Variants in SEMA6D observed in about 807,000 individuals in gnomAD.
The protein encoded by SEMA6D is semaphorin-6D.
SEMA6D carries 35 observed loss-of-function variants against 106.6 expected under a neutral mutation model. The ratio of observed to expected loss-of-function variants is 0.33; its 90% CI spans 0.25 to 0.44. The LOEUF is 0.44. Among genes scored for constraint, SEMA6D ranks in the 20% least tolerant of loss-of-function variants. The pLI is 1.00. For missense variants in SEMA6D, 1,185 were observed against 1,345.9 expected (o/e 0.88, Z 1.87); for synonymous variants, 499 against 487.7 (o/e 1.02, Z -0.31).
intron 1 of SEMA6D, among the ~76,000 whole-genome samples, chr15:47,406,628 C>T (rs138294794): frequency 1.6e-4 from 24 of 151,718 alleles, no homozygotes; most frequent in African/African-American, 5.1e-4. Flanking sequence ...AGTAGGGAAA[C>T]GGGGAGATGT....
chr15:47,520,402 T>A (rs1180186525), intron 3 of SEMA6D, among the ~76,000 whole-genome samples: 1 of 152,178 alleles, frequency 6.6e-6, no homozygotes, highest in Non-Finnish European at 1.5e-5. Context: ...GGTCTTTTTT[T>A]TTCTTCACCA....
At chr15:47,405,366 C>G (rs1335654717) in intron 1 of SEMA6D, among the ~76,000 whole-genome samples, 1 of 152,046 alleles carries the variant, frequency 6.6e-6, no homozygotes, top group Non-Finnish European at 1.5e-5. Flanking sequence ...GTTACAAAGT[C>G]TCATCTCAGA....
intron 3 of SEMA6D, among the ~76,000 whole-genome samples, chr15:47,588,987 C>T (rs529211748): frequency 3.3e-5 from 5 of 152,270 alleles, no homozygotes; most frequent in South Asian, 4.2e-4. Flanking sequence ...TGCTAAACAT[C>T]GTACGGTGCA....
rs894180903 is a variant in SEMA6D at position 47,189,065 on chromosome 15, A to T, written c.-239+4647A>T. Among the ~76,000 whole-genome samples, 2 of 152,224 alleles carry T rather than the reference A, an allele frequency of 1.3e-5. 1 individual carries two copies. Among genetic ancestry groups the T allele is most frequent in the African/African-American group, 4.8e-5 (2 of 41,460 alleles). On this transcript the variant is annotated intron_variant, in intron 1 of 19. Transcript: ENST00000558014. ...TAATTTTCTGGGCACACTAAGACTT[A>T]AGTAGTCTGAGGATATCAGGGTGGA...
At chr15:47,436,793 A>G in intron 2 of SEMA6D, among the ~76,000 whole-genome samples, 1 of 146,762 alleles carries the variant, frequency 6.8e-6, no homozygotes, top group African/African-American at 2.5e-5. Context: ...ATATAGCTGG[A>G]AGTGGTGGTG....
intron 1 of SEMA6D, among the ~76,000 whole-genome samples, chr15:47,333,157 ACT>A (rs2037410873): frequency 6.6e-6 from 1 of 152,026 alleles, no homozygotes; most frequent in South Asian, 2.1e-4. Flanking sequence ...ATTCTTTATG[ACT>A]CTTAAATTTC....
intron 1 of SEMA6D, among the ~76,000 whole-genome samples, chr15:47,295,280 A>G (rs946689039): frequency 1.3e-5 from 2 of 152,240 alleles, no homozygotes; most frequent in Non-Finnish European, 2.9e-5. Flanking sequence ...ATGTATTAGA[A>G]GTTATTTTTG....
At chr15:47,280,048 A>T (rs2035036794) in intron 1 of SEMA6D, among the ~76,000 whole-genome samples, 1 of 151,178 alleles carries the variant, frequency 6.6e-6, no homozygotes, top group Non-Finnish European at 1.5e-5. Flanking sequence ...TCATAAAATG[A>T]GTTAGGGAGG....
chr15:47,714,211 C>G (rs1356077566), upstream of SEMA6D, among the ~76,000 whole-genome samples: 2 of 152,092 alleles, frequency 1.3e-5, no homozygotes, highest in Non-Finnish European at 2.9e-5. Context: ...TTAACTATGA[C>G]CTCACTATTA....
chr15:47,612,786 CTG>C (rs759950751), intron 4 of SEMA6D, among the ~76,000 whole-genome samples: 2 of 150,856 alleles, frequency 1.3e-5, no homozygotes, highest in Non-Finnish European at 2.9e-5. Flanking sequence ...TTTTTGGTGT[CTG>C]GAATGTTGAG....
At chr15:47,721,770 A>G (rs2079437339) in intron 1 of SEMA6D, among the ~76,000 whole-genome samples, 1 of 152,152 alleles carries the variant, frequency 6.6e-6, no homozygotes, top group Non-Finnish European at 1.5e-5. Flanking sequence ...TTATTTCTCA[A>G]ACTTTCCTTT....
chr15:47,449,967 A>G (rs1043543351), intron 2 of SEMA6D, among the ~76,000 whole-genome samples: 2 of 152,112 alleles, frequency 1.3e-5, no homozygotes, highest in African/African-American at 4.8e-5. Context: ...ACTCTCAGAG[A>G]CACATCTCGA....
intron 2 of SEMA6D, among the ~76,000 whole-genome samples, chr15:47,441,582 C>T (rs899605638): frequency 4.6e-5 from 7 of 152,090 alleles, no homozygotes; most frequent in Non-Finnish European, 7.4e-5. Flanking sequence ...TCTTTTCAGC[C>T]ATAGATGCTG....
intron 4 of SEMA6D, among the ~76,000 whole-genome samples, chr15:47,686,362 C>T (rs2078468940): frequency 6.6e-6 from 1 of 152,224 alleles, no homozygotes; most frequent in Non-Finnish European, 1.5e-5. Flanking sequence ...TTCAGTCCTA[C>T]ACGTGAAGAC....
chr15:47,614,083 A>G (rs2076961941), intron 4 of SEMA6D, among the ~76,000 whole-genome samples: 1 of 152,222 alleles, frequency 6.6e-6, no homozygotes, highest in Non-Finnish European at 1.5e-5. Context: ...AATGTCAGCT[A>G]CCCTGTAAGT....
chr15:47,644,242 C>A (rs2077540581), intron 4 of SEMA6D, among the ~76,000 whole-genome samples: 1 of 152,120 alleles, frequency 6.6e-6, no homozygotes, highest in Non-Finnish European at 1.5e-5. Context: ...ATATTGTGGA[C>A]TTGCAATGCA....
At chr15:47,610,961 A>G (rs1169970231) in intron 4 of SEMA6D, among the ~76,000 whole-genome samples, 1 of 152,236 alleles carries the variant, frequency 6.6e-6, no homozygotes, top group Admixed American at 6.5e-5. Flanking sequence ...ACAGCTAGAT[A>G]TGCTCAGAGC....
At chr15:47,632,353 T>C (rs911695323) in intron 4 of SEMA6D, among the ~76,000 whole-genome samples, 10 of 152,026 alleles carry the variant, frequency 6.6e-5, no homozygotes, top group Non-Finnish European at 1.3e-4. Context: ...AGATCTTCTA[T>C]AGCCTTGTTG....
At chr15:47,713,073 CAA>C (rs962344645), upstream of SEMA6D, among the ~76,000 whole-genome samples, 5 of 152,142 alleles carry the variant, frequency 3.3e-5, no homozygotes, top group Non-Finnish European at 7.4e-5. Context: ...TATGGAAAAA[CAA>C]TATTTTTTTA....
Sources: allele counts gnomAD v4.1 joint callset (sites outside exome capture counted in the v4.1 genomes callset), GRCh38; gene constraint gnomAD v4.1.1; transcripts MANE v1.5; gene names NCBI Gene and HGNC (gene_info 2026-07-23, HGNC 2026-07-21).